Variants in NRG3 observed in about 807,000 individuals in gnomAD.
The protein encoded by NRG3 is pro-neuregulin-3, membrane-bound isoform.
A neutral mutation model predicts 66.9 loss-of-function variants in NRG3; 31 were observed. That is an observed-to-expected ratio of 0.46 (90% confidence interval 0.35 to 0.63). NRG3 has a LOEUF of 0.63. NRG3 is among the 20% of genes least tolerant of loss of function. The probability of loss-of-function intolerance (pLI) is 0.00; values close to 1 mark genes in which losing one functional copy is unlikely to be tolerated. For synonymous variants in NRG3, 393 were observed against 359.4 expected (o/e 1.09, Z -1.06); for missense variants, 910 against 878.9 (o/e 1.04, Z -0.45).
chr10:82,524,315 C>G (rs1246470538), intron 2 of NRG3, among the ~76,000 whole-genome samples: 1 of 151,908 alleles, frequency 6.6e-6, no homozygotes, highest in Non-Finnish European at 1.5e-5. Context: ...AATGGGACTA[C>G]TTAAAGGGTA....
At chr10:82,402,569 T>A (rs2087187810) in intron 2 of NRG3, among the ~76,000 whole-genome samples, 1 of 152,168 alleles carries the variant, frequency 6.6e-6, no homozygotes, top group African/African-American at 2.4e-5. Context: ...ATGTGAGAAT[T>A]TTTTTACTCA....
rs1420828827 is a variant in NRG3 at position 82,012,748 on chromosome 10, G to A, written c.823+136585G>A. On this transcript the variant is annotated intron_variant, in intron 1 of 8. Coordinates refer to ENST00000372141, the MANE Select transcript of NRG3 (RefSeq NM_001010848.4). ...AAAGTTCCAGAGATCTCTAGGGCAG[G>A]GGCAAAATGTGACCAGTCTGTTTGT... Among the ~76,000 whole-genome samples the A allele has an allele frequency of 2.0e-5, 3 of 152,018 alleles. No individual in the cohort carries two copies. The East Asian group carries it at 5.8e-4, about 29-fold the overall frequency.
chr10:82,201,564 C>A (rs1320177904), intron 1 of NRG3, among the ~76,000 whole-genome samples: 2 of 151,970 alleles, frequency 1.3e-5, no homozygotes, highest in Non-Finnish European at 2.9e-5. Context: ...TGGTGAGAGG[C>A]CTTTAATAGC....
intron 1 of NRG3, among the ~76,000 whole-genome samples, chr10:82,251,059 T>C (rs1589467925): frequency 6.6e-6 from 1 of 152,222 alleles, no homozygotes; most frequent in South Asian, 2.1e-4. Context: ...TCCTGGGCTC[T>C]CTTGAAATAC....
intron 1 of NRG3, among the ~76,000 whole-genome samples, chr10:82,314,796 C>T (rs532559153): frequency 6.6e-6 from 1 of 152,146 alleles, no homozygotes; most frequent in East Asian, 1.9e-4. Flanking sequence ...GGTGACAGAG[C>T]GAGAGTCCGT....
At chr10:82,717,444 G>A (rs2057044654) in intron 2 of NRG3, among the ~76,000 whole-genome samples, 1 of 137,338 alleles carries the variant, frequency 7.3e-6, no homozygotes, top group Admixed American at 7.8e-5. Flanking sequence ...GTGTCGCCCA[G>A]GCTAGAGTGC....
At chr10:82,463,691 GC>G (rs1412453108) in intron 2 of NRG3, among the ~76,000 whole-genome samples, 3 of 152,164 alleles carry the variant, frequency 2.0e-5, no homozygotes, top group African/African-American at 7.2e-5. Context: ...GGATAACTGG[GC>G]AAAGTCATGC....
At chr10:82,373,261 ACTG>A (rs2085006178) in intron 2 of NRG3, among the ~76,000 whole-genome samples, 1 of 152,232 alleles carries the variant, frequency 6.6e-6, no homozygotes, top group African/African-American at 2.4e-5. Context: ...TTTCTCAAAT[ACTG>A]CTTTCTGATT....
intron 2 of NRG3, among the ~76,000 whole-genome samples, chr10:82,593,846 G>GTA (rs960404630): frequency 1.5e-4 from 22 of 151,362 alleles, no homozygotes; most frequent in Admixed American, 1.4e-3. Flanking sequence ...ATATATATGT[G>GTA]TATATATATA....
intron 3 of NRG3, among the ~76,000 whole-genome samples, chr10:82,836,362 A>C (rs1014578863): frequency 6.6e-6 from 1 of 152,222 alleles, no homozygotes; most frequent in African/African-American, 2.4e-5. Context: ...AGATGTCTTC[A>C]TGGGAAAGGT....
intron 2 of NRG3, among the ~76,000 whole-genome samples, chr10:82,556,402 A>G (rs983718157): frequency 3.9e-5 from 6 of 152,190 alleles, no homozygotes; most frequent in Middle Eastern, 3.4e-3. Context: ...AAGTTGAGGC[A>G]TGAATCTAGT....
intron 2 of NRG3, among the ~76,000 whole-genome samples, chr10:82,446,622 C>G (rs2090741692): frequency 6.6e-6 from 1 of 152,140 alleles, no homozygotes; most frequent in African/African-American, 2.4e-5. Context: ...ACAACACAGA[C>G]TGGATCCTGT....
chr10:82,431,051 T>A (rs2136322933), intron 2 of NRG3, among the ~76,000 whole-genome samples: 1 of 152,296 alleles, frequency 6.6e-6, no homozygotes, highest in Non-Finnish European at 1.5e-5. Flanking sequence ...ATTTTCCTGA[T>A]ATTTAAGGGT....
chr10:82,557,120 T>C (rs1488378299), intron 2 of NRG3, among the ~76,000 whole-genome samples: 2 of 152,232 alleles, frequency 1.3e-5, no homozygotes, highest in South Asian at 2.1e-4. Flanking sequence ...TGTGACTTTA[T>C]GGTAGAATAA....
rs1031802825 is a variant in NRG3, at chr10:82,129,588, T to C, written c.824-229151T>C. ...TTATACTCTTTCAGTTATTTATATA[T>C]ATTGTTGAGATGGAGTCTCACTCTG... On this transcript the variant is annotated intron_variant, in intron 1 of 8. Transcript: ENST00000372141. Among the ~76,000 whole-genome samples the C allele has an allele frequency of 3.3e-5, 5 of 152,076 alleles. No homozygotes were observed. The East Asian group carries it at 5.8e-4, about 18-fold the overall frequency.
intron 1 of NRG3, among the ~76,000 whole-genome samples, chr10:81,970,215 G>C (rs1777306510): frequency 6.6e-6 from 1 of 152,190 alleles, no homozygotes; most frequent in Non-Finnish European, 1.5e-5. Flanking sequence ...GAGGAAGGAA[G>C]TGCTGTTATT....
intron 1 of NRG3, among the ~76,000 whole-genome samples, chr10:82,238,273 A>G (rs2076847820): frequency 6.6e-6 from 1 of 152,186 alleles, no homozygotes; most frequent in Non-Finnish European, 1.5e-5. Context: ...CAATAAGTAT[A>G]GCAATCCTAT....
intron 2 of NRG3, among the ~76,000 whole-genome samples, chr10:82,378,145 G>A (rs1420774470): frequency 6.6e-6 from 1 of 152,194 alleles, no homozygotes; most frequent in Non-Finnish European, 1.5e-5. Flanking sequence ...AATAGTTGTA[G>A]GGGAGAGAAT....
chr10:82,166,359 G>A (rs1027249230), intron 1 of NRG3, among the ~76,000 whole-genome samples: 2 of 152,028 alleles, frequency 1.3e-5, no homozygotes, highest in Non-Finnish European at 2.9e-5. Context: ...GTTCTTTGTT[G>A]ACCTATTAGC....
Sources: gnomAD v4.1 joint callset for allele counts (sites outside exome capture counted in the v4.1 genomes callset) on GRCh38, gnomAD v4.1.1 for gene constraint, MANE v1.5 for transcripts, NCBI Gene and HGNC (gene_info 2026-07-23, HGNC 2026-07-21) for gene names.